MRTFB: variants seen among roughly 807,000 people sequenced by gnomAD.
MRTFB encodes myocardin-related transcription factor B.
A neutral mutation model predicts 104.2 loss-of-function variants in MRTFB; 29 were observed. That is an observed-to-expected ratio of 0.28 (90% CI 0.21 to 0.38). The LOEUF is 0.38. MRTFB is among the 10% of genes least tolerant of loss of function. The probability of loss-of-function intolerance (pLI) is 1.00; values close to 1 mark genes in which losing one functional copy is unlikely to be tolerated. For synonymous variants in MRTFB, 535 were observed against 519.5 expected (o/e 1.03, Z -0.41); for missense variants, 1,270 against 1,341.6 (o/e 0.95, Z 0.83).
intron 2 of MRTFB, 40 bp from the exon 3 acceptor site, chr16:14,140,504 A>T: frequency 7.0e-7 from 1 of 1,426,108 alleles, no homozygotes; most frequent in Non-Finnish European, 9.6e-7. Context: ...TTGGAGAAAC[A>T]TAACTGCACC....
chr16:14,087,369 C>G (rs950882325), intron 2 of MRTFB, among the ~76,000 whole-genome samples: 3 of 152,134 alleles, frequency 2.0e-5, no homozygotes, highest in Non-Finnish European at 2.9e-5. Context: ...CTTCCTAACT[C>G]TGGGCACTTT....
Position 14,137,517 on chromosome 16 carries a change from A to G in MRTFB, c.-63-3027A>G, listed in dbSNP as rs542773379. ...TACATCTTTCAATTATAAGGGCATT[A>G]TGGTACTTGTATCTTAGAATTAATT... is the stretch of plus-strand genomic sequence containing the variant. On this transcript the variant is annotated intron_variant, in intron 2 of 16. Transcript: ENST00000571589. Among the ~76,000 whole-genome samples the G allele has an allele frequency of 7.9e-5, 12 of 152,282 alleles. No individual in the cohort carries two copies. The South Asian group carries it at 2.5e-3, about 32-fold the overall frequency.
At chr16:14,140,496 G>T in intron 2 of MRTFB, 48 bp from the exon 3 acceptor site, 1 of 1,362,262 alleles carries the variant, frequency 7.3e-7, no homozygotes, top group Non-Finnish European at 1.0e-6. Flanking sequence ...TGTGCAAATT[G>T]GAGAAACATA....
At chr16:14,169,851 T>C (rs1460698828) in intron 3 of MRTFB, among the ~76,000 whole-genome samples, 1 of 152,118 alleles carries the variant, frequency 6.6e-6, no homozygotes, top group Non-Finnish European at 1.5e-5. Context: ...ATAGCGAGAC[T>C]CCATCTCAAT....
In MRTFB at chr16:14,078,011, C is replaced by G. The variant is rs1033661558; in HGVS notation, c.-128-1279C>G. On this transcript the variant is annotated intron_variant, in intron 1 of 16. Coordinates refer to ENST00000571589, the MANE Select transcript of MRTFB (RefSeq NM_001308142.2). ...GCTTCTAGCCTTGCTGCCTTAGTCTCTCTTGGATGTACCCTAACAATGGTG... is the reference window on the plus strand; with the variant it reads ...GCTTCTAGCCTTGCTGCCTTAGTCTGTCTTGGATGTACCCTAACAATGGTG... Among the ~76,000 whole-genome samples, 49 of 152,152 alleles carry G rather than the reference C, an allele frequency of 3.2e-4. 2 individuals are homozygous for G. The highest frequency in any genetic ancestry group is 1.5e-5 in the Non-Finnish European group (1 of 68,024).
chr16:14,076,245 G>A (rs1411505697), intron 1 of MRTFB, among the ~76,000 whole-genome samples: 1 of 151,962 alleles, frequency 6.6e-6, no homozygotes, highest in East Asian at 1.9e-4. Context: ...AGGCTGGAGT[G>A]CAGTGGCACC....
chr16:14,058,521 G>A, the MRTFB span, among the ~76,000 whole-genome samples: 1 of 151,792 alleles, frequency 6.6e-6, no homozygotes. Context: ...TGTCTCAGAT[G>A]TGTCATTTCA....
Position 14,246,529 on chromosome 16 carries a change from A to G in MRTFB, c.1269A>G (p.Lys423=), listed in dbSNP as rs1296647203. ...GGGGTCTGCCAGTGTCAGGCACCAA[A>G]CCGGACCTCATTGAGCGCCTAAAAC... ...KLRGLPVSGT[K]PDLIERLKPY... The change falls in exon 12 of 17, where the codon AAA becomes AAG. Residue 423 remains lysine (K), a synonymous_variant. Transcript: ENST00000571589. 1 of 1,614,026 alleles carries G rather than the reference A, an allele frequency of 6.2e-7. No individual in the cohort carries two copies. The highest frequency in any genetic ancestry group is 1.3e-5 in the African/African-American group (1 of 74,904).
intron 3 of MRTFB, among the ~76,000 whole-genome samples, chr16:14,202,269 A>G (rs2040741920): frequency 6.6e-6 from 1 of 152,206 alleles, no homozygotes; most frequent in African/African-American, 2.4e-5. Context: ...CGAGCCATAG[A>G]AATCTAACAG....
At chr16:14,031,809 C>CT in the MRTFB span, among the ~76,000 whole-genome samples, 4 of 151,738 alleles carry the variant, frequency 2.6e-5, no homozygotes, top group South Asian at 4.2e-4. Flanking sequence ...CGTGAGGTGA[C>CT]TTTTTTTTAT....
intron 3 of MRTFB, among the ~76,000 whole-genome samples, chr16:14,206,303 A>G (rs141624695): frequency 5.5e-4 from 84 of 152,208 alleles, no homozygotes; most frequent in Non-Finnish European, 9.6e-4. Context: ...TCTCATGACA[A>G]TTAAGCTGTC....
intron 8 of MRTFB, among the ~76,000 whole-genome samples, chr16:14,233,081 A>G (rs967207621): frequency 2.0e-5 from 3 of 152,248 alleles, no homozygotes; most frequent in African/African-American, 7.2e-5. Flanking sequence ...TATGTAAAGT[A>G]GATTGCTAGT....
the MRTFB span, among the ~76,000 whole-genome samples, chr16:14,039,411 G>C: frequency 6.6e-6 from 1 of 152,166 alleles, no homozygotes; most frequent in African/African-American, 2.4e-5. Flanking sequence ...GGAATGAATA[G>C]AGCACAGGTC....
At chr16:14,213,753 C>A in intron 6 of MRTFB, 133 bp downstream of exon 6, 1 of 602,820 alleles carries the variant, frequency 1.7e-6, no homozygotes, top group Non-Finnish European at 2.8e-6. Flanking sequence ...TGGATAGCAA[C>A]ATGAAGACCC....
At chr16:14,200,061 C>T (rs537839264) in intron 3 of MRTFB, 1 of 508,630 alleles carries the variant, frequency 2.0e-6, no homozygotes. Flanking sequence ...AGCTGGACTA[C>T]AGATTGGCAC....
the MRTFB span, among the ~76,000 whole-genome samples, chr16:14,017,062 T>TTC: frequency 1.3e-5 from 2 of 149,200 alleles, no homozygotes; most frequent in Non-Finnish European, 3.0e-5. Flanking sequence ...TCTTCTTTTT[T>TTC]TTTTTTTTTT....
At chr16:14,107,461 G>T (rs1596862466) in intron 2 of MRTFB, among the ~76,000 whole-genome samples, 1 of 152,192 alleles carries the variant, frequency 6.6e-6, no homozygotes, top group East Asian at 1.9e-4. Flanking sequence ...AGCACGAAGG[G>T]GTTTATCATA....
At chr16:14,078,771 G>A (rs375236882) in intron 1 of MRTFB, among the ~76,000 whole-genome samples, 1 of 151,794 alleles carries the variant, frequency 6.6e-6, no homozygotes, top group South Asian at 2.1e-4. Context: ...TGCTGGTGAT[G>A]GAGATGGTGA....
At chr16:14,093,437 A>C (rs1300758757) in intron 2 of MRTFB, among the ~76,000 whole-genome samples, 1 of 152,052 alleles carries the variant, frequency 6.6e-6, no homozygotes, top group Non-Finnish European at 1.5e-5. Context: ...TTATTTACTT[A>C]ATTTTTCACT....
Sources: allele counts gnomAD v4.1 joint callset (sites outside exome capture counted in the v4.1 genomes callset), GRCh38; gene constraint gnomAD v4.1.1; transcripts MANE v1.5; gene names NCBI Gene and HGNC (gene_info 2026-07-23, HGNC 2026-07-21).